The following RYR3 variants were observed in gnomAD, a reference collection of about 807,000 sequenced individuals.
RYR3 encodes brain ryanodine receptor-calcium release channel.
Under a neutral mutation model 584.3 loss-of-function variants are expected in RYR3, and 207 were observed. The ratio of observed to expected loss-of-function variants is 0.35; its 90% CI spans 0.32 to 0.40. RYR3 has a LOEUF of 0.40. RYR3 is among the 10% of genes least tolerant of loss of function. The pLI is 1.00. For synonymous variants in RYR3, 2,416 were observed against 2,248.5 expected (o/e 1.07, Z -2.11); for missense variants, 5,616 against 6,089.2 (o/e 0.92, Z 2.59).
At chr15:33,776,673 TG>T (rs1451514431) in intron 64 of RYR3, among the ~76,000 whole-genome samples, 1 of 152,234 alleles carries the variant, frequency 6.6e-6, no homozygotes, top group African/African-American at 2.4e-5. Flanking sequence ...CTCTGTTACA[TG>T]TTATTTCCTC....
At chr15:33,642,960 A>T (rs1222029915) in intron 27 of RYR3, among the ~76,000 whole-genome samples, 1 of 152,250 alleles carries the variant, frequency 6.6e-6, no homozygotes, top group African/African-American at 2.4e-5. Context: ...TATAGTTTCT[A>T]AAAGCAACCA....
rs576824393 is a variant in RYR3 at position 33,310,997 on chromosome 15, G to C, written c.-49G>C. 1 of 1,488,454 alleles carries C rather than the reference G, an allele frequency of 6.7e-7. No individual in the cohort carries two copies. The highest frequency in any genetic ancestry group is 1.2e-5 in the South Asian group (1 of 82,626). The allele number at this position is 1,488,454 out of a possible 1,614,324, so 92.2% of individuals were successfully genotyped here. ...TCAGCGCACGCCGAGCGGCTGCCGG[G>C]GGAAGCAGAGGCGCCGGAGGCTGGG... On this transcript the variant is annotated 5_prime_UTR_variant, in exon 1 of 104. Coordinates refer to ENST00000634891, the MANE Select transcript of RYR3 (RefSeq NM_001036.6).
At chr15:33,813,688 C>A in intron 74 of RYR3, 109 bp downstream of exon 74, 2 of 926,208 alleles carry the variant, frequency 2.2e-6, no homozygotes, top group Non-Finnish European at 3.4e-6. Flanking sequence ...AATTGGAATC[C>A]TTGGCCTATG....
chr15:33,730,759 C>T (rs10519865), intron 47 of RYR3, among the ~76,000 whole-genome samples: 1 of 152,046 alleles, frequency 6.6e-6, no homozygotes. Context: ...TCCTTGTATT[C>T]CATTCATCCG....
rs539807191 is a variant in RYR3, at chr15:33,646,573, G to A, written c.3941+47G>A. The A allele has an allele frequency of 1.5e-5, 23 of 1,526,788 alleles. No homozygotes were observed. In the East Asian group the frequency reaches 3.6e-4, roughly 24 times the overall value. The allele number at this position is 1,526,788 out of a possible 1,614,324, so 94.6% of individuals were successfully genotyped here. ...CTCAGAGGCACTCATTGTATCTCCT[G>A]TAAAGTGGGCTTTCTGCTTTTTACC... On this transcript the variant is annotated intron_variant, in intron 29 of 103. Transcript: ENST00000634891.
chr15:33,439,400 G>A lies in RYR3; in HGVS notation c.52-34019G>A, dbSNP rs147823098. 7.9e-5 allele frequency among the ~76,000 whole-genome samples: 12 copies of A among 152,268 alleles called. No individual in the cohort carries two copies. In the East Asian group the frequency reaches 2.3e-3, roughly 29 times the overall value. On this transcript the variant is annotated intron_variant, in intron 1 of 103. Coordinates refer to ENST00000634891, the MANE Select transcript of RYR3 (RefSeq NM_001036.6). ...TTGTGCATGACTTGAGCAAGTTCCTGTAAATTCCTGTTTCTTGGTGAGTGG... is the reference window on the plus strand; with the variant it reads ...TTGTGCATGACTTGAGCAAGTTCCTATAAATTCCTGTTTCTTGGTGAGTGG...
At chr15:33,618,977 C>T (rs1280131513) in intron 19 of RYR3, among the ~76,000 whole-genome samples, 1 of 152,146 alleles carries the variant, frequency 6.6e-6, no homozygotes, top group African/African-American at 2.4e-5. Flanking sequence ...AGAGATTTTT[C>T]AATATAATTT....
intron 5 of RYR3, among the ~76,000 whole-genome samples, chr15:33,534,378 G>C (rs1315917463): frequency 6.6e-6 from 1 of 152,234 alleles, no homozygotes; most frequent in Non-Finnish European, 1.5e-5. Flanking sequence ...CCCAGCCTGG[G>C]GGAGAAGAGC....
intron 38 of RYR3, among the ~76,000 whole-genome samples, chr15:33,693,038 G>A (rs898438679): frequency 6.6e-6 from 1 of 152,196 alleles, no homozygotes; most frequent in Non-Finnish European, 1.5e-5. Flanking sequence ...GGGATAGCAT[G>A]TATTATATCT....
At chr15:33,583,914 T>C (rs540390219) in intron 14 of RYR3, among the ~76,000 whole-genome samples, 2 of 152,090 alleles carry the variant, frequency 1.3e-5, no homozygotes, top group African/African-American at 2.4e-5. Flanking sequence ...TAGCTGGGTG[T>C]GGTGGTGCAT....
At chr15:33,422,714 T>C (rs763017691) in intron 1 of RYR3, among the ~76,000 whole-genome samples, 4 of 152,126 alleles carry the variant, frequency 2.6e-5, no homozygotes, top group Non-Finnish European at 5.9e-5. Flanking sequence ...AATTTATAGA[T>C]AGCAGAGGTA....
chr15:33,491,305 A>G (rs1321262814), intron 2 of RYR3, among the ~76,000 whole-genome samples: 2 of 152,220 alleles, frequency 1.3e-5, no homozygotes, highest in African/African-American at 4.8e-5. Flanking sequence ...CTATAGTAAT[A>G]GATAGACTTG....
At position 33,634,482 on chromosome 15, in the gene RYR3, G is replaced by C. The variant is rs1350059919; in HGVS notation, c.3028-104G>C. 4 of 1,155,694 alleles carry C rather than the reference G, an allele frequency of 3.5e-6. No individual in the cohort carries two copies. In the South Asian group the frequency reaches 4.1e-5, roughly 12 times the overall value. The allele number at this position is 1,155,694 out of a possible 1,614,324, so 71.6% of individuals were successfully genotyped here. On this transcript the variant is annotated intron_variant, in intron 24 of 103. Transcript: ENST00000634891. ...ACTGAGGGAAGGGCTAATAGACCTA[G>C]AGCGACCAGAAAGCCAGGACTGTTG...
chr15:33,482,350 C>G (rs1039515928), intron 2 of RYR3, among the ~76,000 whole-genome samples: 1 of 152,036 alleles, frequency 6.6e-6, no homozygotes, highest in African/African-American at 2.4e-5. Flanking sequence ...CAAACCTTTT[C>G]CTCTGGAAAG....
chr15:33,577,557 C>T (rs561322233), intron 12 of RYR3, among the ~76,000 whole-genome samples: 12 of 152,202 alleles, frequency 7.9e-5, no homozygotes, highest in East Asian at 5.8e-4. Context: ...GGAGAACTGG[C>T]GAGCCATGTG....
rs772562284 is a variant in RYR3, at chr15:33,854,381, T to C, written c.13800-8T>C. The C allele has an allele frequency of 2.6e-6, 4 of 1,560,650 alleles. No homozygotes were observed. The African/African-American group carries it at 4.1e-5, about 16-fold the overall frequency. ...TTATAAGTTTTAAAATCACTTGTTC[T>C]TCTCTAGGCTAAGTTCCATAGACAT... On this transcript the variant is annotated splice_polypyrimidine_tract_variant and splice_region_variant and intron_variant, in intron 96 of 103. Coordinates refer to ENST00000634891, the MANE Select transcript of RYR3 (RefSeq NM_001036.6).
chr15:33,591,183 G>A (rs1418595937), intron 16 of RYR3, among the ~76,000 whole-genome samples: 1 of 152,068 alleles, frequency 6.6e-6, no homozygotes, highest in Non-Finnish European at 1.5e-5. Context: ...AAAAATCAAT[G>A]AAAAATTCTT....
intron 3 of RYR3, among the ~76,000 whole-genome samples, chr15:33,507,860 G>A (rs2052612115): frequency 6.6e-6 from 1 of 152,116 alleles, no homozygotes; most frequent in Admixed American, 6.5e-5. Context: ...GACTGGGTGA[G>A]AATTAAATGA....
intron 60 of RYR3, among the ~76,000 whole-genome samples, chr15:33,768,347 T>C (rs891840097): frequency 1.3e-5 from 2 of 152,344 alleles, no homozygotes; most frequent in Admixed American, 6.5e-5. Context: ...AACGTTTCAG[T>C]ACATGGTACT....
Sources: allele counts gnomAD v4.1 joint callset (sites outside exome capture counted in the v4.1 genomes callset), GRCh38; gene constraint gnomAD v4.1.1; transcripts MANE v1.5; gene names NCBI Gene and HGNC (gene_info 2026-07-23, HGNC 2026-07-21).